Variants in ZNF560 observed in about 807,000 individuals in gnomAD.
ZNF560 encodes the protein zinc finger protein 560.
In ZNF560, 54 loss-of-function variants were observed where a neutral mutation model predicts 81.8. The ratio of observed to expected loss-of-function variants is 0.66; its 90% CI spans 0.53 to 0.83. The LOEUF is 0.83. Ranked by LOEUF, ZNF560 falls within the 40% of genes least tolerant of loss-of-function variation. The pLI is 0.00. For synonymous variants in ZNF560, 321 were observed against 317.9 expected (o/e 1.01, Z -0.10); for missense variants, 940 against 932.4 (o/e 1.01, Z -0.11).
chr19:9,479,243 T>G lies in ZNF560; in HGVS notation c.-56-3874A>C, dbSNP rs545660547. Among the ~76,000 whole-genome samples the G allele has an allele frequency of 2.7e-5, 4 of 150,610 alleles. No homozygotes were observed. The East Asian group carries it at 7.8e-4, about 29-fold the overall frequency. ...GGCAGTAGTAAGTACCTACCTACAA[T>G]GATTACTCTGAATGCACACACACTA... On this transcript the variant is annotated intron_variant, in intron 2 of 9. Transcript: ENST00000301480.
upstream of ZNF560, among the ~76,000 whole-genome samples, chr19:9,501,327 T>TGTG (rs2073631114): frequency 2.8e-5 from 3 of 109,024 alleles, no homozygotes; most frequent in African/African-American, 1.1e-4. Flanking sequence ...CCTGGCTACT[T>TGTG]TGTGTGTGTG....
intron 2 of ZNF560, among the ~76,000 whole-genome samples, chr19:9,497,304 C>T (rs1321788280): frequency 6.6e-6 from 1 of 152,022 alleles, no homozygotes; most frequent in Non-Finnish European, 1.5e-5. Flanking sequence ...ATCATTGAGT[C>T]AGGCATTACC....
At chr19:9,449,972 C>T in the ZNF560 span, among the ~76,000 whole-genome samples, 1 of 25,640 alleles carries the variant, frequency 3.9e-5, no homozygotes, top group Admixed American at 4.4e-4. Flanking sequence ...AAAACTCTGT[C>T]TCAAAAAAAA....
intron 2 of ZNF560, among the ~76,000 whole-genome samples, chr19:9,479,166 T>C (rs1274557756): frequency 6.7e-6 from 1 of 148,166 alleles, no homozygotes; most frequent in East Asian, 1.9e-4. Flanking sequence ...CAGCCTGGGA[T>C]TTTTTTTTTC....
intron 5 of ZNF560, among the ~76,000 whole-genome samples, chr19:9,472,615 C>T (rs567027791): frequency 2.6e-5 from 4 of 152,284 alleles, no homozygotes; most frequent in African/African-American, 7.2e-5. Flanking sequence ...CAAATGGGAC[C>T]ATCTGGTTAC....
intron 2 of ZNF560, among the ~76,000 whole-genome samples, chr19:9,493,369 G>T (rs1159371600): frequency 6.6e-6 from 1 of 152,200 alleles, no homozygotes; most frequent in Non-Finnish European, 1.5e-5. Context: ...CAGGTTTTCT[G>T]TTTTTGCTTT....
chr19:9,485,386 G>T (rs2073368936), intron 2 of ZNF560, among the ~76,000 whole-genome samples: 1 of 151,616 alleles, frequency 6.6e-6, no homozygotes, highest in African/African-American at 2.4e-5. Context: ...AAATCAATGT[G>T]ATTAGAACCA....
intron 2 of ZNF560, among the ~76,000 whole-genome samples, chr19:9,493,624 G>A (rs980002847): frequency 3.9e-5 from 6 of 152,094 alleles, no homozygotes; most frequent in South Asian, 2.1e-4. Context: ...CCAAAGTGCC[G>A]GGATTACAGG....
At chr19:9,449,433 A>G in the ZNF560 span, among the ~76,000 whole-genome samples, 1 of 152,218 alleles carries the variant, frequency 6.6e-6, no homozygotes, top group Non-Finnish European at 1.5e-5. Flanking sequence ...GTGGAAATTT[A>G]AAAATTCTTT....
intron 2 of ZNF560, among the ~76,000 whole-genome samples, chr19:9,477,864 A>T (rs762933119): frequency 3.5e-4 from 54 of 152,186 alleles, no homozygotes; most frequent in Non-Finnish European, 7.3e-4. Context: ...AAATACACAA[A>T]GGAGAAAAAA....
chr19:9,475,684 G>C (rs1360282745), intron 2 of ZNF560, among the ~76,000 whole-genome samples: 1 of 149,742 alleles, frequency 6.7e-6, no homozygotes, highest in East Asian at 2.0e-4. Context: ...TCGGCTCACT[G>C]CAAGCTCTGC....
intron 7 of ZNF560, 129 bp downstream of exon 7, chr19:9,470,260 TAAA>T (rs201026789): frequency 8.7e-7 from 1 of 1,154,884 alleles, no homozygotes; most frequent in East Asian, 2.4e-5. Flanking sequence ...TTTTACTCAT[TAAA>T]AAAAATTTTT....
In ZNF560 at chr19:9,475,387, C is replaced by G; in HGVS notation, c.-56-18G>C. ...AGAAAGACCTGGAAAAGAAAGAAGGCATAAGAGCCCAGACATAATCACAGT... is the reference window on the plus strand; with the variant it reads ...AGAAAGACCTGGAAAAGAAAGAAGGGATAAGAGCCCAGACATAATCACAGT... On this transcript the variant is annotated intron_variant, in intron 2 of 9. Coordinates refer to ENST00000301480, the MANE Select transcript of ZNF560 (RefSeq NM_152476.3). 2 of 1,442,636 alleles carry G rather than the reference C, an allele frequency of 1.4e-6. No homozygotes were observed. The highest frequency in any genetic ancestry group is 1.7e-4 in the Middle Eastern group (1 of 5,770). The allele number at this position is 1,442,636 out of a possible 1,614,324, so 89.4% of individuals were successfully genotyped here. A position where few individuals can be genotyped will look rare whatever the true frequency, so the allele number is the denominator to read the frequency against.
At position 9,470,475 on chromosome 19, in the gene ZNF560, TC is replaced by T; in HGVS notation, c.364del (p.Glu122LysfsTer17). Reference protein sequence around the residue: ...FDSVAVEFTQEEWTLLDPAQR... With the variant: ...FDSVAVEFTQXEWTLLDPAQR... Reference sequence around the variant, plus strand: ...AGCTGGGTCCAGTAAAGTCCACTCTTCCTGGGTGAACTCCACAGCCACACTG... The same window carrying T: ...AGCTGGGTCCAGTAAAGTCCACTCTTCTGGGTGAACTCCACAGCCACACTG... On this transcript the variant is annotated frameshift_variant, in exon 7 of 10. Coordinates refer to ENST00000301480, the MANE Select transcript of ZNF560 (RefSeq NM_152476.3). LOFTEE classifies it high-confidence loss of function. 1 of 1,614,172 alleles carries T rather than the reference TC, an allele frequency of 6.2e-7. No homozygotes were observed. Among genetic ancestry groups the T allele is most frequent in the Non-Finnish European group, 8.5e-7 (1 of 1,180,032 alleles).
chr19:9,459,741 G>C, the ZNF560 span, among the ~76,000 whole-genome samples: 2 of 152,172 alleles, frequency 1.3e-5, no homozygotes, highest in African/African-American at 4.8e-5. Context: ...TTTAGCATAT[G>C]CTCTGCTACT....
At chr19:9,454,604 AAGG>A in the ZNF560 span, among the ~76,000 whole-genome samples, 2 of 152,300 alleles carry the variant, frequency 1.3e-5, 1 homozygote, top group South Asian at 4.2e-4. Context: ...CTCCTCAGAA[AAGG>A]AGGAGTGAAA....
At chr19:9,468,919 G>A (rs1772387853) in intron 9 of ZNF560, among the ~76,000 whole-genome samples, 186 bp downstream of exon 9, 1 of 151,764 alleles carries the variant, frequency 6.6e-6, no homozygotes. Flanking sequence ...TAGTAGAGAT[G>A]GGGTTTCACC....
At chr19:9,465,128 GA>G (rs1369130351), downstream of ZNF560, among the ~76,000 whole-genome samples, 9 of 132,080 alleles carry the variant, frequency 6.8e-5, no homozygotes, top group Non-Finnish European at 1.1e-4. Context: ...GAAAGCTATT[GA>G]TTTTTTTTTT....
At chr19:9,468,968 T>G in intron 9 of ZNF560, 137 bp downstream of exon 9, 2 of 638,934 alleles carry the variant, frequency 3.1e-6, no homozygotes, top group Non-Finnish European at 5.4e-6. Context: ...GACCTCATGA[T>G]CCGCCTGCCT....
Sources: allele counts gnomAD v4.1 joint callset (sites outside exome capture counted in the v4.1 genomes callset), GRCh38; gene constraint gnomAD v4.1.1; transcripts MANE v1.5; gene names NCBI Gene and HGNC (gene_info 2026-07-23, HGNC 2026-07-21).